NHSL2: variants seen among roughly 807,000 people sequenced by gnomAD.
NHSL2 encodes the protein NHS like 2.
In NHSL2, 27 loss-of-function variants were observed where a neutral mutation model predicts 53.4. The ratio of observed to expected loss-of-function variants is 0.51; its 90% CI spans 0.37 to 0.70. The LOEUF (loss-of-function observed/expected upper bound fraction) is 0.70. NHSL2 is among the 30% of genes least tolerant of loss of function. The pLI is 0.00. For synonymous variants in NHSL2, 408 were observed against 404.1 expected (o/e 1.01, Z -0.12); for missense variants, 892 against 980.1 (o/e 0.91, Z 1.20).
At position 72,137,161 on chromosome X, in the gene NHSL2, C is replaced by T; in HGVS notation, c.828C>T (p.Pro276=). 1 of 1,165,156 alleles carries T rather than the reference C, an allele frequency of 8.6e-7. No individual in the cohort carries two copies. The highest frequency in any genetic ancestry group is 1.1e-6 in the Non-Finnish European group (1 of 870,481). ...TTAACACAGAGACAGCCGTGAACCCCAAGTCCACCCTGAGGCGGAGGCGGA... is the reference window on the plus strand; with the variant it reads ...TTAACACAGAGACAGCCGTGAACCCTAAGTCCACCCTGAGGCGGAGGCGGA... ...SLFNTETAVN[P]KSTLRRRRTI... The change falls in exon 5 of 8, where the codon CCC becomes CCT. Residue 276 remains proline, a synonymous_variant. Coordinates refer to ENST00000633930, the MANE Select transcript of NHSL2 (RefSeq NM_001013627.3).
In NHSL2 at chrX:72,144,260, C is replaced by A. The variant is rs1194668749; in HGVS notation, c.*686C>A. 6 of 97,280 alleles carry A rather than the reference C, an allele frequency of 6.2e-5. No individual in the cohort carries two copies. The South Asian group carries it at 1.6e-3, about 26-fold the overall frequency. 8.0% of individuals were successfully genotyped at this position (97,280 alleles called of 1,213,427 possible). On this transcript the variant is annotated 3_prime_UTR_variant, in exon 8 of 8. Transcript: ENST00000633930. ...TTCAATAAACATATAGACGCCCCCCCACCCACCCCCATTAGCTAGAAAAGA... is the reference window on the plus strand; with the variant it reads ...TTCAATAAACATATAGACGCCCCCCAACCCACCCCCATTAGCTAGAAAAGA...
chrX:71,927,608 G>A (rs899763344), intron 1 of NHSL2, among the ~76,000 whole-genome samples: 16 of 109,697 alleles, frequency 1.5e-4, no homozygotes, highest in African/African-American at 5.0e-4. Context: ...CCAGACAGGA[G>A]GGCAGCAGCG....
chrX:72,122,592 G>A (rs1299346196), intron 1 of NHSL2, among the ~76,000 whole-genome samples: 1 of 112,357 alleles, frequency 8.9e-6, no homozygotes, highest in Non-Finnish European at 1.9e-5. Flanking sequence ...AGGGAACACA[G>A]CAAGGGAGTG....
chrX:72,074,033 G>A (rs1294852731), intron 1 of NHSL2, among the ~76,000 whole-genome samples: 1 of 112,516 alleles, frequency 8.9e-6, no homozygotes, highest in Admixed American at 9.4e-5. Context: ...GAGGTAATAA[G>A]AAAGTAGAGG....
chrX:71,930,615 A>G (rs1482820657), intron 1 of NHSL2, among the ~76,000 whole-genome samples: 1 of 112,295 alleles, frequency 8.9e-6, no homozygotes, highest in Non-Finnish European at 1.9e-5. Context: ...CCCATTTTGG[A>G]AATTTCGTAT....
At chrX:72,015,271 GT>G (rs767732364) in intron 1 of NHSL2, among the ~76,000 whole-genome samples, 72 of 111,313 alleles carry the variant, frequency 6.5e-4, no homozygotes, top group Non-Finnish European at 1.1e-3. Flanking sequence ...GTTTTTTGTT[GT>G]GCTTTAGAGG....
chrX:72,069,613 GGAGGAGGAGGAGGAGAAA>G, intron 1 of NHSL2: 2 of 694,514 alleles, frequency 2.9e-6, no homozygotes, highest in Non-Finnish European at 3.7e-6. Context: ...AGGAGGAGTA[GGAGGAGGAGGAGGAGAAA>G]GAGGAGGAGG....
rs974831031 is a variant in NHSL2, at chrX:72,149,027, C to T, written c.*5453C>T. The T allele has an allele frequency of 6.4e-5, 7 of 110,225 alleles. No homozygotes were observed. The highest frequency in any genetic ancestry group is 9.7e-5 in the Admixed American group (1 of 10,300). 9.1% of individuals were successfully genotyped at this position (110,225 alleles called of 1,213,427 possible). A position where few individuals can be genotyped will look rare whatever the true frequency, so the allele number is the denominator to read the frequency against. The stretch of plus-strand genomic sequence containing the variant: ...GGTGTATATTGTTATCTTGGTCAGG[C>T]ATATGTTTGCTTGGTTTTAAGAAAT... On this transcript the variant is annotated 3_prime_UTR_variant, in exon 8 of 8. Coordinates refer to ENST00000633930, the MANE Select transcript of NHSL2 (RefSeq NM_001013627.3).
chrX:71,973,042 A>G (rs987046583), intron 1 of NHSL2, among the ~76,000 whole-genome samples: 3 of 112,142 alleles, frequency 2.7e-5, no homozygotes, highest in Admixed American at 9.4e-5. Flanking sequence ...CAGACCTCCA[A>G]GGATGAGTGT....
At chrX:71,938,613 G>A (rs995097918) in intron 1 of NHSL2, among the ~76,000 whole-genome samples, 5 of 112,255 alleles carry the variant, frequency 4.5e-5, no homozygotes, top group Admixed American at 3.8e-4. Context: ...CATTCCCATC[G>A]ATCTCACAAA....
intron 1 of NHSL2, among the ~76,000 whole-genome samples, chrX:72,005,591 CCACTGTGGAGGAA>C (rs1437710943): frequency 8.9e-6 from 1 of 111,856 alleles, no homozygotes; most frequent in Non-Finnish European, 1.9e-5. Context: ...TGGTTGAGGG[CCACTGTGGAGGAA>C]CTTGACAATG....
At chrX:71,921,566 A>G (rs921836366) in intron 1 of NHSL2, among the ~76,000 whole-genome samples, 2 of 111,902 alleles carry the variant, frequency 1.8e-5, no homozygotes, top group Non-Finnish European at 3.8e-5. Flanking sequence ...CGTCATCAAA[A>G]CCCACTAACA....
chrX:72,135,489 C>T (rs779839510), intron 4 of NHSL2, among the ~76,000 whole-genome samples: 1 of 111,513 alleles, frequency 9.0e-6, no homozygotes, highest in Non-Finnish European at 1.9e-5. Context: ...ATCTCAGTAA[C>T]CTAAAGGGAT....
At chrX:71,968,722 G>A (rs1028613353) in intron 1 of NHSL2, among the ~76,000 whole-genome samples, 6 of 112,068 alleles carry the variant, frequency 5.4e-5, no homozygotes, top group Non-Finnish European at 1.1e-4. Flanking sequence ...TCAGATAGAG[G>A]TCCTACTTTA....
chrX:71,978,355 C>G (rs1044857985), intron 1 of NHSL2, among the ~76,000 whole-genome samples: 1 of 112,151 alleles, frequency 8.9e-6, no homozygotes, highest in Non-Finnish European at 1.9e-5. Context: ...CAACCCCTGC[C>G]CTTGGGTGGT....
chrX:72,037,926 A>T (rs2042249889), intron 1 of NHSL2, among the ~76,000 whole-genome samples: 4 of 112,151 alleles, frequency 3.6e-5, no homozygotes, highest in Admixed American at 2.8e-4. Context: ...GAGACATCAG[A>T]TCTGGGTTGC....
chrX:72,052,526 G>T (rs1485175954), intron 1 of NHSL2, among the ~76,000 whole-genome samples: 1 of 112,351 alleles, frequency 8.9e-6, no homozygotes, highest in Non-Finnish European at 1.9e-5. Context: ...CAAGGCAAAG[G>T]GTCTCAACTG....
At chrX:72,103,608 C>T (rs2042013978) in intron 1 of NHSL2, among the ~76,000 whole-genome samples, 1 of 111,955 alleles carries the variant, frequency 8.9e-6, no homozygotes, top group Non-Finnish European at 1.9e-5. Flanking sequence ...CTCCAAATGG[C>T]ACCTTGGTGA....
chrX:72,062,555 TG>T (rs745830649), intron 1 of NHSL2, among the ~76,000 whole-genome samples: 1 of 111,818 alleles, frequency 8.9e-6, no homozygotes, highest in Admixed American at 9.4e-5. Context: ...GGAACAGGGT[TG>T]GGGGTGGCCA....
Sources: gnomAD v4.1 joint callset for allele counts (sites outside exome capture counted in the v4.1 genomes callset) on GRCh38, gnomAD v4.1.1 for gene constraint, MANE v1.5 for transcripts, NCBI Gene and HGNC (gene_info 2026-07-23, HGNC 2026-07-21) for gene names.